The following NTRK3 variants were observed in gnomAD, a reference collection of about 807,000 sequenced individuals.
NTRK3 encodes neurotrophic receptor tyrosine kinase 3, also known as NT-3 growth factor receptor.
A neutral mutation model predicts 91.7 loss-of-function variants in NTRK3; 24 were observed. The ratio of observed to expected loss-of-function variants is 0.26; its 90% confidence interval spans 0.19 to 0.37. The LOEUF is 0.37. NTRK3 is among the 10% of genes least tolerant of loss of function. The pLI is 1.00. For synonymous variants in NTRK3, 483 were observed against 404.0 expected (o/e 1.20, Z -2.34); for missense variants, 880 against 1,068.9 (o/e 0.82, Z 2.46).
At chr15:87,928,897 T>C in intron 17 of NTRK3, 1 of 577,852 alleles carries the variant, frequency 1.7e-6, no homozygotes, top group South Asian at 2.1e-5. Context: ...ATGAGTATGT[T>C]TACATGAAGA....
At chr15:88,163,763 C>T (rs929779434) in intron 5 of NTRK3, among the ~76,000 whole-genome samples, 12 of 152,082 alleles carry the variant, frequency 7.9e-5, no homozygotes, top group Admixed American at 7.9e-4. Flanking sequence ...GACAGGTGAC[C>T]ACACATTCTG....
intron 17 of NTRK3, among the ~76,000 whole-genome samples, chr15:87,898,823 T>TAAAAAAA (rs34425235): frequency 9.6e-6 from 1 of 103,984 alleles, no homozygotes; most frequent in African/African-American, 3.9e-5. Flanking sequence ...CTGTCTCTAC[T>TAAAAAAA]AAAAAAAAAA....
chr15:88,212,780 G>A (rs2049376437), intron 3 of NTRK3, among the ~76,000 whole-genome samples: 1 of 149,674 alleles, frequency 6.7e-6, no homozygotes, highest in Admixed American at 6.6e-5. Flanking sequence ...CCCATGGCCA[G>A]CAGTATGTCC....
chr15:87,975,789 A>G (rs755175541), intron 14 of NTRK3, among the ~76,000 whole-genome samples: 26 of 152,164 alleles, frequency 1.7e-4, no homozygotes, highest in Non-Finnish European at 2.1e-4. Flanking sequence ...GTCAATTCAG[A>G]TGTTCCAACT....
At chr15:87,879,308 T>C (rs966341349) in intron 18 of NTRK3, among the ~76,000 whole-genome samples, 2 of 152,156 alleles carry the variant, frequency 1.3e-5, no homozygotes, top group Non-Finnish European at 2.9e-5. Context: ...ATAAAAAGAA[T>C]TGCGATGTTT....
chr15:88,086,996 G>A (rs900732796), intron 13 of NTRK3, among the ~76,000 whole-genome samples: 1 of 152,186 alleles, frequency 6.6e-6, no homozygotes, highest in Admixed American at 6.5e-5. Flanking sequence ...TACCCAAGGG[G>A]ACCCAGCTCA....
At position 87,977,670 on chromosome 15, in the gene NTRK3, A is replaced by C. The variant is rs976459163; in HGVS notation, c.1586-36917T>G. The C allele has an allele frequency of 2.2e-5, 5 of 232,168 alleles. No homozygotes were observed. In the East Asian group the frequency reaches 3.0e-4, roughly 14 times the overall value. 14.4% of individuals were successfully genotyped at this position (232,168 alleles called of 1,614,324 possible). A position where few individuals can be genotyped will look rare whatever the true frequency, so the allele number is the denominator to read the frequency against. ...TGGGGAGCAGGATGAGGAGAGCTGGAGGGGGCGAGATAAACACACACCTGG... is the reference window on the plus strand; with the variant it reads ...TGGGGAGCAGGATGAGGAGAGCTGGCGGGGGCGAGATAAACACACACCTGG... On this transcript the variant is annotated intron_variant, in intron 14 of 18. Coordinates refer to ENST00000394480, the Ensembl canonical transcript of NTRK3.
At chr15:88,002,073 T>TGAAC (rs1042193584) in intron 14 of NTRK3, among the ~76,000 whole-genome samples, 1 of 151,916 alleles carries the variant, frequency 6.6e-6, no homozygotes, top group African/African-American at 2.4e-5. Context: ...TGGGAGATTG[T>TGAAC]GAACTCTTCA....
rs1476967668 is a variant in NTRK3, at chr15:88,234,501, G to A, written c.248+21405C>T. On this transcript the variant is annotated intron_variant, in intron 3 of 18. Transcript: ENST00000394480. This position sits in a 1 kb window ranked among gnomAD's most constrained non-coding sequence, Gnocchi z 6.1. ...TTCTTAAAGACACCATTGCTTCAGG[G>A]GCCCTCCTCACGCTGCTCCCTCCTC... Among the ~76,000 whole-genome samples, 1 of 152,098 alleles carries A rather than the reference G, an allele frequency of 6.6e-6. No individual in the cohort carries two copies. Among genetic ancestry groups the A allele is most frequent in the Non-Finnish European group, 1.5e-5 (1 of 68,028 alleles).
intron 3 of NTRK3, chr15:88,209,937 C>T (rs1056318303): frequency 6.6e-6 from 1 of 152,370 alleles, no homozygotes; most frequent in Non-Finnish European, 1.5e-5. Flanking sequence ...CAAAAGCAGG[C>T]TAAACATATC....
At chr15:88,068,056 C>A (rs964313490) in intron 13 of NTRK3, among the ~76,000 whole-genome samples, 10 of 152,088 alleles carry the variant, frequency 6.6e-5, no homozygotes, top group African/African-American at 2.4e-4. Context: ...GGATACTGGG[C>A]AAATGTTTAA....
rs146167666 is a variant in NTRK3, at chr15:88,109,872, C to A, written c.1396+16399G>T. 3.5e-3 allele frequency among the ~76,000 whole-genome samples: 533 copies of A among 152,294 alleles called. 1 individual carries two copies. Among genetic ancestry groups the A allele is most frequent in the Admixed American group, 8.4e-3 (129 of 15,304 alleles). On this transcript the variant is annotated intron_variant, in intron 13 of 18. Transcript: ENST00000394480. ...GACCTGCAGATTACTCACAGCTTTTCTGAGTGCAGCAAAAATCATGATTTC... is the reference window on the plus strand; with the variant it reads ...GACCTGCAGATTACTCACAGCTTTTATGAGTGCAGCAAAAATCATGATTTC...
intron 13 of NTRK3, among the ~76,000 whole-genome samples, chr15:88,085,205 G>T (rs1201398774): frequency 6.6e-6 from 1 of 152,154 alleles, no homozygotes; most frequent in Non-Finnish European, 1.5e-5. Context: ...ATAAGGGATG[G>T]GTTTTCAGAG....
chr15:88,254,533 C>T (rs554610915), intron 3 of NTRK3, among the ~76,000 whole-genome samples: 105 of 152,186 alleles, frequency 6.9e-4, no homozygotes, highest in African/African-American at 2.4e-3. Flanking sequence ...CTGTCAGCTG[C>T]GAGAGCGCAA....
intron 5 of NTRK3, among the ~76,000 whole-genome samples, chr15:88,174,668 C>T (rs1487542252): frequency 6.6e-6 from 1 of 152,244 alleles, no homozygotes; most frequent in Non-Finnish European, 1.5e-5. Flanking sequence ...CAGCTGTGCA[C>T]ACCCCATGGT....
In NTRK3 at chr15:88,243,567, C is replaced by CACACACACACACACACAT. The variant is rs1555571958; in HGVS notation, c.248+12338_248+12339insATGTGTGTGTGTGTGTGT. Among the ~76,000 whole-genome samples the CACACACACACACACACAT allele has an allele frequency of 6.6e-6, 1 of 150,430 alleles. No homozygotes were observed. Among genetic ancestry groups the CACACACACACACACACAT allele is most frequent in the Non-Finnish European group, 1.5e-5 (1 of 67,612 alleles). On this transcript the variant is annotated intron_variant, in intron 3 of 18. Transcript: ENST00000394480. The surrounding 1 kb of genome is among the most constrained non-coding windows in gnomAD (Gnocchi z 4.8). Reference sequence around the variant, plus strand: ...ACACACACACACACACACACACACACACACACACACTGAGCAAAAGGTATT... The same window carrying CACACACACACACACACAT: ...ACACACACACACACACACACACACACACACACACACACACACATACACACACACTGAGCAAAAGGTATT...
At chr15:88,141,269 A>ATTATATTATATATATATATATTTATATAT (rs1567512667) in intron 6 of NTRK3, among the ~76,000 whole-genome samples, 3 of 152,350 alleles carry the variant, frequency 2.0e-5, no homozygotes, top group Non-Finnish European at 4.4e-5. Context: ...CGAACATAAT[A>ATTATATTATATATATATATATTTATATAT]GACATTATAG....
At chr15:87,874,925 C>A (rs909261304) in exon 19 of NTRK3, 3 of 232,864 alleles carry the variant, frequency 1.3e-5, no homozygotes, top group Non-Finnish European at 1.7e-5. Flanking sequence ...AAACCAACAC[C>A]AAATTCCCAT....
intron 13 of NTRK3, among the ~76,000 whole-genome samples, chr15:88,109,642 C>G (rs1039932749): frequency 1.3e-5 from 2 of 151,898 alleles, no homozygotes; most frequent in Non-Finnish European, 2.9e-5. Flanking sequence ...GGGGGCTGGG[C>G]GGGGGGCGTT....
Sources: gnomAD v4.1 joint callset for allele counts (sites outside exome capture counted in the v4.1 genomes callset) on GRCh38, gnomAD v4.1.1 for gene constraint, Gnocchi (gnomAD v3.1) non-coding constraint, MANE v1.5 for transcripts, NCBI Gene and HGNC (gene_info 2026-07-23, HGNC 2026-07-21) for gene names.